HYDIN: variants seen among roughly 807,000 people sequenced by gnomAD.
HYDIN encodes the protein axonemal central pair apparatus protein HYDIN.
A neutral mutation model predicts 403.9 loss-of-function variants in HYDIN; 132 were observed. The observed-to-expected ratio is 0.33, with a 90% CI of 0.28 to 0.38. The LOEUF is 0.38. HYDIN is among the 10% of genes least tolerant of loss of function. The pLI is 1.00. For synonymous variants in HYDIN, 1,202 were observed against 1,891.7 expected (o/e 0.64, Z 9.46); for missense variants, 2,827 against 5,009.5 (o/e 0.56, Z 13.15).
At chr16:71,016,978 C>T (rs200658825) in intron 23 of HYDIN, among the ~76,000 whole-genome samples, 7 of 151,146 alleles carry the variant, frequency 4.6e-5, no homozygotes, top group South Asian at 2.1e-4. Flanking sequence ...GATTGGATCA[C>T]GCAGGTGGTT....
intron 23 of HYDIN, among the ~76,000 whole-genome samples, chr16:70,996,483 G>A (rs1366841218): frequency 2.6e-5 from 4 of 151,852 alleles, no homozygotes; most frequent in Non-Finnish European, 4.4e-5. Context: ...TTGAATTCCG[G>A]CTTCCCCACT....
At chr16:70,910,394 C>T (rs1270797551) in intron 47 of HYDIN, among the ~76,000 whole-genome samples, 1 of 152,178 alleles carries the variant, frequency 6.6e-6, no homozygotes, top group African/African-American at 2.4e-5. Context: ...ATTCAGGTAG[C>T]TGTGAATGCC....
chr16:70,841,260 G>A (rs1214474227), intron 75 of HYDIN, among the ~76,000 whole-genome samples: 1 of 152,106 alleles, frequency 6.6e-6, no homozygotes, highest in Non-Finnish European at 1.5e-5. Context: ...CTGATTCAAT[G>A]AAAAGGATGT....
chr16:71,205,935 C>A (rs1231050364), intron 1 of HYDIN, among the ~76,000 whole-genome samples: 1 of 152,226 alleles, frequency 6.6e-6, no homozygotes, highest in African/African-American at 2.4e-5. Context: ...TGTGACCCTA[C>A]TGACCTCAAC....
chr16:71,040,828 C>T (rs1188441728), intron 18 of HYDIN, among the ~76,000 whole-genome samples: 2 of 111,238 alleles, frequency 1.8e-5, no homozygotes, highest in East Asian at 4.4e-4. Context: ...CAAGTGTCAT[C>T]TGCATTTAAA....
At chr16:71,069,214 A>G in intron 14 of HYDIN, 53 bp downstream of exon 14, 1 of 1,487,144 alleles carries the variant, frequency 6.7e-7, no homozygotes, top group Non-Finnish European at 9.1e-7. Flanking sequence ...GCCCATGACT[A>G]TTTTGAAGGC....
At chr16:71,059,728 C>T (rs2082019849) in intron 18 of HYDIN, among the ~76,000 whole-genome samples, 1 of 152,252 alleles carries the variant, frequency 6.6e-6, no homozygotes. Context: ...AAACCTGTGA[C>T]ATACAATTTA....
chr16:71,101,630 A>T (rs933188167), intron 10 of HYDIN, among the ~76,000 whole-genome samples: 7 of 152,028 alleles, frequency 4.6e-5, no homozygotes, highest in African/African-American at 1.7e-4. Context: ...ATATTAATCA[A>T]AGCCACAGTG....
chr16:70,807,304 T>TC lies in HYDIN; in HGVS notation c.*275_*276insG. 1 of 394,852 alleles carries TC rather than the reference T, an allele frequency of 2.5e-6. No individual in the cohort carries two copies. Among genetic ancestry groups the TC allele is most frequent in the South Asian group, 4.1e-5 (1 of 24,460 alleles). The allele number at this position is 394,852 out of a possible 1,614,324, so 24.5% of individuals were successfully genotyped here. The stretch of plus-strand genomic sequence containing the variant: ...GATAAAAATGGGAATTATTACAAAG[T>TC]ACTTGAGCTTTGGGGCTATGTCAAG... On this transcript the variant is annotated 3_prime_UTR_variant, in exon 86 of 86. Transcript: ENST00000393567.
At chr16:71,210,437 T>G (rs1441960946) in intron 1 of HYDIN, among the ~76,000 whole-genome samples, 1 of 152,060 alleles carries the variant, frequency 6.6e-6, no homozygotes, top group Non-Finnish European at 1.5e-5. Context: ...CTGTTCTCAC[T>G]TATAAGAGCT....
intron 39 of HYDIN, among the ~76,000 whole-genome samples, chr16:70,956,283 C>T (rs2078233207): frequency 6.7e-6 from 1 of 148,590 alleles, no homozygotes; most frequent in South Asian, 2.1e-4. Context: ...GCAGACAATT[C>T]AGATATAACA....
At chr16:71,219,319 A>T (rs1206611024) in intron 1 of HYDIN, among the ~76,000 whole-genome samples, 1 of 152,168 alleles carries the variant, frequency 6.6e-6, no homozygotes, top group African/African-American at 2.4e-5. Context: ...AAAAAAAAAT[A>T]AGGGGCAGAT....
chr16:71,002,825 A>G (rs1567976345), intron 23 of HYDIN, among the ~76,000 whole-genome samples: 3 of 150,984 alleles, frequency 2.0e-5, no homozygotes, highest in African/African-American at 7.3e-5. Flanking sequence ...TTACAGGCAC[A>G]TGCCACCATG....
intron 47 of HYDIN, among the ~76,000 whole-genome samples, chr16:70,917,358 C>T (rs1053236730): frequency 6.6e-6 from 1 of 152,270 alleles, no homozygotes; most frequent in African/African-American, 2.4e-5. Context: ...TTTCCTTCTT[C>T]CTTGTAAACT....
intron 42 of HYDIN, among the ~76,000 whole-genome samples, chr16:70,942,583 C>A (rs1245011121): frequency 6.6e-6 from 1 of 152,282 alleles, no homozygotes; most frequent in East Asian, 1.9e-4. Flanking sequence ...CTGCCTTACT[C>A]AGTGTTACTC....
intron 7 of HYDIN, among the ~76,000 whole-genome samples, chr16:71,151,863 T>A (rs1252830972): frequency 6.6e-6 from 1 of 151,826 alleles, no homozygotes; most frequent in African/African-American, 2.4e-5. Context: ...TTATGGAGGG[T>A]GTGGCCTTCA....
chr16:71,077,622 T>A (rs2082658485), intron 13 of HYDIN, among the ~76,000 whole-genome samples: 1 of 151,948 alleles, frequency 6.6e-6, no homozygotes, highest in Non-Finnish European at 1.5e-5. Flanking sequence ...GGCTTGGACC[T>A]CCAGGACAAT....
chr16:70,893,040 G>A (rs1350887846), intron 55 of HYDIN, among the ~76,000 whole-genome samples: 2 of 152,178 alleles, frequency 1.3e-5, no homozygotes, highest in Non-Finnish European at 2.9e-5. Flanking sequence ...AGGGACTGCC[G>A]TAGGCTCAAG....
intron 7 of HYDIN, among the ~76,000 whole-genome samples, chr16:71,139,651 T>G (rs2085091295): frequency 6.6e-6 from 1 of 151,822 alleles, no homozygotes; most frequent in Non-Finnish European, 1.5e-5. Flanking sequence ...TTATTTTTCA[T>G]GACAAATTAG....
Sources: allele counts gnomAD v4.1 joint callset (sites outside exome capture counted in the v4.1 genomes callset), GRCh38; gene constraint gnomAD v4.1.1; transcripts MANE v1.5; gene names NCBI Gene and HGNC (gene_info 2026-07-23, HGNC 2026-07-21).